Variants in RPS6KA2 observed in about 807,000 individuals in gnomAD.
RPS6KA2 encodes the protein ribosomal protein S6 kinase alpha-2.
A neutral mutation model predicts 91.8 loss-of-function variants in RPS6KA2; 42 were observed. The ratio of observed to expected loss-of-function variants is 0.46; its 90% CI spans 0.36 to 0.59. The LOEUF is 0.59. RPS6KA2 is among the 20% of genes least tolerant of loss of function. The probability of loss-of-function intolerance (pLI) is 0.00; values close to 1 mark genes in which losing one functional copy is unlikely to be tolerated. For missense variants in RPS6KA2, 798 were observed against 978.5 expected (o/e 0.82, Z 2.46); for synonymous variants, 414 against 393.6 (o/e 1.05, Z -0.61).
At chr6:166,800,298 G>A (rs997287257) in intron 2 of RPS6KA2, among the ~76,000 whole-genome samples, 21 of 152,198 alleles carry the variant, frequency 1.4e-4, no homozygotes, top group Admixed American at 3.9e-4. Context: ...CCTAGAGCAC[G>A]GGGAGGACAT....
chr6:166,437,473 G>A lies in RPS6KA2; in HGVS notation c.1333-4983C>T, dbSNP rs1779365155. On this transcript the variant is annotated intron_variant, in intron 14 of 20. Coordinates refer to ENST00000265678, the MANE Select transcript of RPS6KA2 (RefSeq NM_021135.6). This position sits in a 1 kb window ranked among gnomAD's most constrained non-coding sequence, Gnocchi z 4.3. Reference sequence around the variant, plus strand: ...AGTAGGAGTGGTGTCGTGGGGCGGGGGACAAGCTCGCTCAGCTTTCTTTTT... The same window carrying A: ...AGTAGGAGTGGTGTCGTGGGGCGGGAGACAAGCTCGCTCAGCTTTCTTTTT... Among the ~76,000 whole-genome samples the A allele has an allele frequency of 6.6e-6, 1 of 152,178 alleles. No homozygotes were observed. The highest frequency in any genetic ancestry group is 1.5e-5 in the Non-Finnish European group (1 of 68,028).
At chr6:166,541,108 G>A (rs903546239) in intron 1 of RPS6KA2, among the ~76,000 whole-genome samples, 1 of 152,118 alleles carries the variant, frequency 6.6e-6, no homozygotes, top group East Asian at 1.9e-4. Flanking sequence ...TCCCAAAATA[G>A]CTCCCATCAT....
At chr6:166,531,835 A>C (rs1783288992) in intron 2 of RPS6KA2, among the ~76,000 whole-genome samples, 1 of 152,212 alleles carries the variant, frequency 6.6e-6, no homozygotes, top group African/African-American at 2.4e-5. Flanking sequence ...ACACTTACGG[A>C]TATTTGGCAA....
intron 2 of RPS6KA2, among the ~76,000 whole-genome samples, chr6:166,797,513 A>T (rs1376107315): frequency 6.6e-6 from 1 of 152,188 alleles, no homozygotes; most frequent in Non-Finnish European, 1.5e-5. Flanking sequence ...TGTATCATAT[A>T]CTGTATTCTC....
chr6:166,856,420 C>T (rs1780906062), intron 2 of RPS6KA2, among the ~76,000 whole-genome samples: 5 of 152,214 alleles, frequency 3.3e-5, no homozygotes. Context: ...TTGTGGACTT[C>T]CCAGCCTCCA....
intron 1 of RPS6KA2, among the ~76,000 whole-genome samples, chr6:166,622,588 G>A (rs1186012425): frequency 6.6e-6 from 1 of 152,198 alleles, no homozygotes; most frequent in East Asian, 1.9e-4. Flanking sequence ...ATAAGCCTTA[G>A]TGGTAAACTT....
At chr6:166,633,811 C>T (rs1325108821) in intron 2 of RPS6KA2, among the ~76,000 whole-genome samples, 2 of 152,170 alleles carry the variant, frequency 1.3e-5, no homozygotes, top group African/African-American at 4.8e-5. Flanking sequence ...TGCCCTCTCA[C>T]AAGATCATCA....
chr6:166,519,683 G>A (rs928171847), intron 3 of RPS6KA2, among the ~76,000 whole-genome samples: 1 of 152,220 alleles, frequency 6.6e-6, no homozygotes, highest in Non-Finnish European at 1.5e-5. Context: ...ACGGGAGGAA[G>A]CACTTTGTGA....
At chr6:166,513,959 C>T (rs1782554577) in intron 3 of RPS6KA2, among the ~76,000 whole-genome samples, 4 of 152,226 alleles carry the variant, frequency 2.6e-5, no homozygotes, top group African/African-American at 9.6e-5. Context: ...GTCTTGCACC[C>T]GCTCCTGTTT....
intron 3 of RPS6KA2, among the ~76,000 whole-genome samples, chr6:166,522,435 C>T (rs952241945): frequency 9.9e-5 from 15 of 152,196 alleles, no homozygotes; most frequent in South Asian, 2.1e-4. Flanking sequence ...GCTGAGCATA[C>T]GCAGACGGCC....
chr6:166,658,021 T>C (rs941254045), intron 2 of RPS6KA2, among the ~76,000 whole-genome samples: 1 of 152,178 alleles, frequency 6.6e-6, no homozygotes, highest in Non-Finnish European at 1.5e-5. Flanking sequence ...GTAGCTGGGA[T>C]ACAGGCATGT....
intron 2 of RPS6KA2, among the ~76,000 whole-genome samples, chr6:166,822,771 G>T (rs1247771040): frequency 1.3e-5 from 2 of 149,426 alleles, no homozygotes; most frequent in African/African-American, 4.9e-5. Context: ...CACACATAGG[G>T]GCTCAGCACG....
intron 1 of RPS6KA2, among the ~76,000 whole-genome samples, chr6:166,575,226 A>G (rs943119159): frequency 4.6e-5 from 7 of 152,250 alleles, no homozygotes; most frequent in Middle Eastern, 3.2e-3. Flanking sequence ...AATAACTACA[A>G]TGATTCATGT....
chr6:166,720,548 G>C (rs555682548), intron 2 of RPS6KA2, among the ~76,000 whole-genome samples: 10 of 152,264 alleles, frequency 6.6e-5, no homozygotes, highest in African/African-American at 2.4e-4. Flanking sequence ...AAATAAAAGT[G>C]TAAGAGAAAG....
intron 5 of RPS6KA2, among the ~76,000 whole-genome samples, chr6:166,507,793 A>G (rs1782295692): frequency 6.6e-6 from 1 of 150,768 alleles, no homozygotes; most frequent in African/African-American, 2.4e-5. Context: ...CACATACCAC[A>G]CACTTATCAC....
chr6:166,421,905 G>T (rs1037573102), intron 17 of RPS6KA2, among the ~76,000 whole-genome samples: 3 of 151,872 alleles, frequency 2.0e-5, no homozygotes, highest in Non-Finnish European at 4.4e-5. Context: ...ATTTTTTTTA[G>T]TTTTTATTTT....
chr6:166,647,748 G>GCACA (rs756662534), intron 2 of RPS6KA2, among the ~76,000 whole-genome samples: 1 of 150,718 alleles, frequency 6.6e-6, no homozygotes, highest in African/African-American at 2.4e-5. Context: ...ACACATACAT[G>GCACA]CACACACACA....
chr6:166,525,911 A>G (rs1430692144), intron 3 of RPS6KA2, among the ~76,000 whole-genome samples: 1 of 152,228 alleles, frequency 6.6e-6, no homozygotes, highest in East Asian at 1.9e-4. Flanking sequence ...AATGGAACGC[A>G]GAGGTGTTAG....
intron 2 of RPS6KA2, among the ~76,000 whole-genome samples, chr6:166,718,043 T>C (rs1337386149): frequency 6.6e-6 from 1 of 152,160 alleles, no homozygotes; most frequent in African/African-American, 2.4e-5. Context: ...GAGACAGGTT[T>C]TGCCATGTTG....
Sources: allele counts gnomAD v4.1 joint callset (sites outside exome capture counted in the v4.1 genomes callset), GRCh38; gene constraint gnomAD v4.1.1; non-coding constraint Gnocchi (gnomAD v3.1); transcripts MANE v1.5; gene names NCBI Gene and HGNC (gene_info 2026-07-23, HGNC 2026-07-21).